Variants in PCDH15 observed in about 807,000 individuals in gnomAD.
The protein encoded by PCDH15 is protocadherin related 15, also known as protocadherin-15.
PCDH15 carries 129 observed loss-of-function variants against 178.5 expected under a neutral mutation model. That is an observed-to-expected ratio of 0.72 (90% CI 0.63 to 0.84). The LOEUF (loss-of-function observed/expected upper bound fraction) is 0.84, where lower values mean the gene tolerates loss of function less well. Among genes scored for constraint, PCDH15 ranks in the 40% least tolerant of loss-of-function variants. The probability of loss-of-function intolerance (pLI) is 0.00; values close to 1 mark genes in which losing one functional copy is unlikely to be tolerated. For missense variants in PCDH15, 2,230 were observed against 2,099.9 expected (o/e 1.06, Z -1.21); for synonymous variants, 800 against 732.0 (o/e 1.09, Z -1.50).
chr10:55,082,111 G>C (rs773107182), intron 2 of PCDH15, among the ~76,000 whole-genome samples: 10 of 152,088 alleles, frequency 6.6e-5, no homozygotes, highest in Non-Finnish European at 1.5e-4. Flanking sequence ...TCATCTAACT[G>C]CTGCAGAATA....
chr10:54,410,264 C>T (rs1953296756), intron 3 of PCDH15, among the ~76,000 whole-genome samples: 1 of 152,054 alleles, frequency 6.6e-6, no homozygotes, highest in South Asian at 2.1e-4. Context: ...CATATGCACA[C>T]AAGCCTAAGG....
chr10:53,874,750 C>T (rs2080103792), intron 26 of PCDH15, among the ~76,000 whole-genome samples: 1 of 149,480 alleles, frequency 6.7e-6, no homozygotes, highest in Admixed American at 6.7e-5. Context: ...ATAAAAAAAT[C>T]AAATTCATAA....
At chr10:54,705,667 T>C (rs2095358564) in intron 1 of PCDH15, among the ~76,000 whole-genome samples, 1 of 152,164 alleles carries the variant, frequency 6.6e-6, no homozygotes. Flanking sequence ...CATTTTCTTC[T>C]AGAACAGTGA....
intron 2 of PCDH15, among the ~76,000 whole-genome samples, chr10:55,337,475 A>C (rs2131949020): frequency 6.6e-6 from 1 of 152,268 alleles, no homozygotes; most frequent in South Asian, 2.1e-4. Flanking sequence ...CCTTCTTCCA[A>C]TTTATAATTG....
chr10:55,167,111 A>G (rs1039355595), intron 1 of PCDH15, among the ~76,000 whole-genome samples: 1 of 152,004 alleles, frequency 6.6e-6, no homozygotes, highest in Non-Finnish European at 1.5e-5. Context: ...ATTCCTTAGC[A>G]TTTTTATTTT....
intron 37 of PCDH15, chr10:53,809,665 A>C: frequency 2.1e-6 from 2 of 950,608 alleles, no homozygotes; most frequent in South Asian, 3.2e-5. Context: ...ATGTTATATA[A>C]CTGGCTTAAG....
intron 1 of PCDH15, among the ~76,000 whole-genome samples, chr10:55,170,067 G>A (rs954924490): frequency 2.0e-5 from 3 of 152,040 alleles, no homozygotes; most frequent in Non-Finnish European, 2.9e-5. Flanking sequence ...AGAACTTGAT[G>A]CTTTACAATG....
intron 2 of PCDH15, among the ~76,000 whole-genome samples, chr10:55,087,400 G>C (rs1426984243): frequency 2.0e-5 from 3 of 152,200 alleles, no homozygotes; most frequent in Non-Finnish European, 4.4e-5. Flanking sequence ...ACATAACTAT[G>C]AAATGTGAAA....
intron 1 of PCDH15, among the ~76,000 whole-genome samples, chr10:55,194,844 C>T (rs911391159): frequency 2.6e-5 from 4 of 151,786 alleles, no homozygotes; most frequent in Non-Finnish European, 4.4e-5. Flanking sequence ...TCAATTATTT[C>T]CCCACTTTAG....
At chr10:55,014,049 A>G (rs1348414948) in intron 2 of PCDH15, among the ~76,000 whole-genome samples, 1 of 152,148 alleles carries the variant, frequency 6.6e-6, no homozygotes, top group Non-Finnish European at 1.5e-5. Context: ...TTTATAATAA[A>G]TAATTACTTA....
chr10:54,280,196 TA>T (rs1333648014), intron 8 of PCDH15, among the ~76,000 whole-genome samples: 3 of 151,658 alleles, frequency 2.0e-5, no homozygotes, highest in Non-Finnish European at 4.4e-5. Context: ...CATTTCCTTT[TA>T]AGTAACTTCG....
At chr10:54,834,721 T>G (rs1205363349) in intron 3 of PCDH15, among the ~76,000 whole-genome samples, 2 of 152,236 alleles carry the variant, frequency 1.3e-5, no homozygotes, top group Non-Finnish European at 2.9e-5. Flanking sequence ...TTAGTTTATG[T>G]GATCCATTTA....
At chr10:53,943,836 T>C (rs897838245) in intron 23 of PCDH15, among the ~76,000 whole-genome samples, 1 of 152,150 alleles carries the variant, frequency 6.6e-6, no homozygotes, top group Non-Finnish European at 1.5e-5. Flanking sequence ...TGAACCTCCA[T>C]GATAATGAGC....
At chr10:54,156,765 C>G (rs1332139882) in intron 13 of PCDH15, among the ~76,000 whole-genome samples, 1 of 152,198 alleles carries the variant, frequency 6.6e-6, no homozygotes, top group East Asian at 1.9e-4. Context: ...CACCTACGAG[C>G]CTGTCAAATC....
At chr10:53,880,251 C>T (rs964563026) in intron 26 of PCDH15, among the ~76,000 whole-genome samples, 32 of 152,058 alleles carry the variant, frequency 2.1e-4, no homozygotes, top group Non-Finnish European at 4.4e-4. Flanking sequence ...CAGATTCAAC[C>T]CATGGGCCCA....
At chr10:55,317,993 G>C (rs1843771830) in intron 1 of PCDH15, among the ~76,000 whole-genome samples, 1 of 152,172 alleles carries the variant, frequency 6.6e-6, no homozygotes, top group South Asian at 2.1e-4. Context: ...GGGAAAAATT[G>C]TCGTCTACAT....
intron 2 of PCDH15, among the ~76,000 whole-genome samples, chr10:55,572,415 A>C (rs1488461720): frequency 6.6e-6 from 1 of 151,082 alleles, no homozygotes; most frequent in Non-Finnish European, 1.5e-5. Context: ...AATATAAACC[A>C]CCTAGCTAGT....
At chr10:54,638,666 C>A (rs1261572985) in intron 2 of PCDH15, among the ~76,000 whole-genome samples, 1 of 151,752 alleles carries the variant, frequency 6.6e-6, no homozygotes, top group African/African-American at 2.4e-5. Context: ...CCATTTGATC[C>A]AGCAATTCCA....
intron 1 of PCDH15, among the ~76,000 whole-genome samples, chr10:54,783,637 A>C (rs991982531): frequency 6.6e-6 from 1 of 152,132 alleles, no homozygotes; most frequent in Non-Finnish European, 1.5e-5. Context: ...AGTCAGAAAG[A>C]TTAAAGATTT....
Sources: allele counts gnomAD v4.1 joint callset (sites outside exome capture counted in the v4.1 genomes callset), GRCh38; gene constraint gnomAD v4.1.1; transcripts MANE v1.5; gene names NCBI Gene and HGNC (gene_info 2026-07-23, HGNC 2026-07-21).